The following DOCK8 variants were observed in gnomAD, a reference collection of about 807,000 sequenced individuals.
DOCK8 encodes dedicator of cytokinesis 8.
DOCK8 carries 141 observed loss-of-function variants against 245.6 expected under a neutral mutation model. That is an observed-to-expected ratio of 0.57 (90% CI 0.50 to 0.66). DOCK8 has a LOEUF of 0.66. DOCK8 is among the 30% of genes least tolerant of loss of function. The pLI is 0.00. For synonymous variants in DOCK8, 1,168 were observed against 970.2 expected (o/e 1.20, Z -3.79); for missense variants, 2,965 against 2,603.4 (o/e 1.14, Z -3.02).
intron 1 of DOCK8, among the ~76,000 whole-genome samples, chr9:248,583 G>GTCTT (rs949310876): frequency 2.6e-4 from 21 of 80,584 alleles, no homozygotes; most frequent in Admixed American, 9.5e-4. Context: ...CTCTCTCTCT[G>GTCTT]TCTTTCTTTC....
At chr9:393,755 A>C (rs567955709) in intron 24 of DOCK8, among the ~76,000 whole-genome samples, 7 of 152,186 alleles carry the variant, frequency 4.6e-5, no homozygotes, top group Non-Finnish European at 1.0e-4. Flanking sequence ...AGATCACCCA[A>C]GACACCAGTT....
chr9:310,140 G>A (rs1289952866), intron 5 of DOCK8, among the ~76,000 whole-genome samples: 2 of 152,036 alleles, frequency 1.3e-5, no homozygotes, highest in Non-Finnish European at 2.9e-5. Flanking sequence ...GGTGGCGCGT[G>A]CCTGTAATCC....
Position 382,658 on chromosome 9 carries a change from G to C in DOCK8, c.2751G>C (p.Glu917Asp). The C allele has an allele frequency of 6.2e-7, 1 of 1,614,182 alleles. No individual in the cohort carries two copies. The highest frequency in any genetic ancestry group is 8.5e-7 in the Non-Finnish European group (1 of 1,180,034). The change falls in exon 22 of 48, where the codon GAG becomes GAC. Residue 917 changes from glutamate (E) to aspartate (D), a missense_variant. By Grantham distance (45) the Glu-to-Asp change is conservative. Around this residue, in one of 3 missense-constraint regions of DOCK8, gnomAD observed 2,825 missense variants for 2,453.5 expected, o/e 1.15. Coordinates refer to ENST00000432829, the MANE Select transcript of DOCK8 (RefSeq NM_203447.4). The stretch of plus-strand genomic sequence containing the variant: ...CGGGGACACACTCCGCAGCAGACGA[G>C]GAAGTGAAGAACATCATGTCTTCAA... The part of the protein sequence containing the change: ...DLAGTHSAAD[E>D]EVKNIMSSKI...
intron 46 of DOCK8, among the ~76,000 whole-genome samples, chr9:457,491 A>G (rs1014422850): frequency 2.6e-5 from 4 of 152,312 alleles, no homozygotes; most frequent in Middle Eastern, 3.4e-3. Flanking sequence ...GAAATAGAGA[A>G]TTAATCTGAC....
chr9:306,320 C>A (rs530971176), intron 5 of DOCK8, among the ~76,000 whole-genome samples: 1 of 152,172 alleles, frequency 6.6e-6, no homozygotes. Context: ...CTAAATATGA[C>A]AGGCTTACTG....
At position 423,391 on chromosome 9, in the gene DOCK8, C is replaced by T. The variant is rs954739242; in HGVS notation, c.4241+1256C>T. On this transcript the variant is annotated intron_variant, in intron 33 of 47. Coordinates refer to ENST00000432829, the MANE Select transcript of DOCK8 (RefSeq NM_203447.4). The stretch of plus-strand genomic sequence containing the variant: ...CTAATGAGTCCCAGGGTTTGCTGAG[C>T]AAAATGTCGTAGAGCTAAAATCACC... 2.0e-5 allele frequency among the ~76,000 whole-genome samples: 3 copies of T among 152,084 alleles called. No individual in the cohort carries two copies. The East Asian group carries it at 5.8e-4, about 29-fold the overall frequency.
intron 4 of DOCK8, among the ~76,000 whole-genome samples, chr9:292,358 G>A (rs1202856358): frequency 8.5e-6 from 1 of 117,140 alleles, no homozygotes; most frequent in African/African-American, 3.4e-5. Flanking sequence ...TTGCACTCCA[G>A]CCTGGGCAAC....
At chr9:352,050 T>TGCA (rs1292949546) in intron 14 of DOCK8, among the ~76,000 whole-genome samples, 1 of 152,126 alleles carries the variant, frequency 6.6e-6, no homozygotes, top group Non-Finnish European at 1.5e-5. Context: ...AAGTGGAGAA[T>TGCA]GCAGCAGCAG....
intron 30 of DOCK8, among the ~76,000 whole-genome samples, chr9:418,465 G>A (rs2056131043): frequency 6.6e-6 from 1 of 151,882 alleles, no homozygotes. Context: ...ACGGGGTTTC[G>A]CCATGTTGGC....
At chr9:294,881 C>T (rs558335470) in intron 4 of DOCK8, among the ~76,000 whole-genome samples, 3 of 152,250 alleles carry the variant, frequency 2.0e-5, no homozygotes, top group Non-Finnish European at 4.4e-5. Context: ...AGACAAAGGC[C>T]GGGCATGGTG....
chr9:312,771 G>A (rs2050181847), intron 6 of DOCK8: 1 of 316,172 alleles, frequency 3.2e-6, no homozygotes, highest in African/African-American at 2.2e-5. Flanking sequence ...CACTTTGGAT[G>A]AAATGAGAGG....
At chr9:438,233 GC>G (rs1472420321) in intron 39 of DOCK8, among the ~76,000 whole-genome samples, 4 of 152,186 alleles carry the variant, frequency 2.6e-5, no homozygotes, top group African/African-American at 9.7e-5. Context: ...TAGTTCACAA[GC>G]CAACTCTGAT....
intron 4 of DOCK8, among the ~76,000 whole-genome samples, chr9:297,340 C>T (rs767639744): frequency 2.0e-5 from 3 of 152,120 alleles, no homozygotes; most frequent in Non-Finnish European, 4.4e-5. Flanking sequence ...GACTCTAGAG[C>T]CTGGATTCTG....
intron 29 of DOCK8, among the ~76,000 whole-genome samples, chr9:417,706 G>C (rs896734024): frequency 1.1e-4 from 17 of 152,102 alleles, no homozygotes; most frequent in Middle Eastern, 3.2e-3. Flanking sequence ...TTCTATATAA[G>C]GTAGTTGCTT....
rs1020790881 is a variant in DOCK8 at position 370,275 on chromosome 9, T to A, written c.1843T>A (p.Tyr615Asn). ...SSGPEFLQEV[Y>N]TAVTYHNKSP... is the part of the protein sequence containing the mutation. ...CGGGCCTGAATTTCTGCAGGAAGTG[T>A]ACACAGCTGTTACATACCATAATAA... Residue 615 changes from tyrosine (Y) to asparagine (N), a missense_variant, in exon 16 of 48, where the codon TAC (tyrosine) becomes AAC (asparagine). By Grantham distance (143) the Tyr-to-Asn change is moderately radical (BLOSUM62 -2). Around this residue, in one of 3 missense-constraint regions of DOCK8, gnomAD observed 2,825 missense variants for 2,453.5 expected, o/e 1.15. Transcript: ENST00000432829. 6.2e-7 allele frequency: 1 copy of A among 1,614,102 alleles called. No homozygotes were observed. The highest frequency in any genetic ancestry group is 8.5e-7 in the Non-Finnish European group (1 of 1,179,918).
At chr9:375,390 A>G (rs2053474269) in intron 18 of DOCK8, among the ~76,000 whole-genome samples, 1 of 152,250 alleles carries the variant, frequency 6.6e-6, no homozygotes, top group Non-Finnish European at 1.5e-5. Context: ...ACTTTGAGTA[A>G]TTAAAGCAGG....
chr9:310,377 CAAAG>C (rs1043211489), intron 5 of DOCK8, among the ~76,000 whole-genome samples: 1 of 152,076 alleles, frequency 6.6e-6, no homozygotes. Flanking sequence ...AAAATTTTCA[CAAAG>C]AAATTAGTAA....
chr9:281,641 C>CCGTGTGTGTGTGTGTG (rs370850198), intron 2 of DOCK8, among the ~76,000 whole-genome samples: 184 of 150,796 alleles, frequency 1.2e-3, no homozygotes, highest in African/African-American at 4.2e-3. Context: ...GTTTGTGTGC[C>CCGTGTGTGTGTGTGTG]TGTGTGTGTG....
intron 29 of DOCK8, among the ~76,000 whole-genome samples, chr9:417,603 A>G (rs191393629): frequency 1.3e-5 from 2 of 152,350 alleles, no homozygotes; most frequent in Admixed American, 6.5e-5. Context: ...AAATATGGGT[A>G]TGTCTATATT....
Sources: allele counts gnomAD v4.1 joint callset (sites outside exome capture counted in the v4.1 genomes callset), GRCh38; gene constraint gnomAD v4.1.1; regional missense constraint gnomAD v4.1.1; transcripts MANE v1.5; gene names NCBI Gene and HGNC (gene_info 2026-07-23, HGNC 2026-07-21).